Variants in ZIC4 observed in about 807,000 individuals in gnomAD.
The protein encoded by ZIC4 is zinc finger protein ZIC 4.
In ZIC4, 15 loss-of-function variants were observed where a neutral mutation model predicts 28.8. The observed-to-expected ratio is 0.52, with a 90% confidence interval of 0.35 to 0.80. The LOEUF is 0.80. Among genes scored for constraint, ZIC4 ranks in the 30% least tolerant of loss-of-function variants. ZIC4 has a pLI of 0.01. For synonymous variants in ZIC4, 220 were observed against 198.1 expected, an observed-to-expected ratio of 1.11 and a Z score of -0.93; for missense variants, 512 against 467.1, an observed-to-expected ratio of 1.10 and a Z score of -0.89.
At chr3:147,400,211 GC>G (rs1394461476) in intron 2 of ZIC4, among the ~76,000 whole-genome samples, 1 of 152,098 alleles carries the variant, frequency 6.6e-6, no homozygotes, top group African/African-American at 2.4e-5. Flanking sequence ...AAGTTTATGG[GC>G]CCTCTGGAAT....
intron 3 of ZIC4, among the ~76,000 whole-genome samples, chr3:147,394,193 C>T (rs2086989578): frequency 6.6e-6 from 1 of 151,408 alleles, no homozygotes; most frequent in Non-Finnish European, 1.5e-5. Flanking sequence ...AGGGAAATGC[C>T]CGAGCAGGCC....
chr3:147,394,436 G>A (rs1249359435), intron 3 of ZIC4, among the ~76,000 whole-genome samples: 10 of 150,972 alleles, frequency 6.6e-5, no homozygotes, highest in Admixed American at 4.6e-4. Context: ...TCAAACAGTG[G>A]GCCGGCAAAG....
rs750377504 is a variant in ZIC4, at chr3:147,387,732, C to T, written c.*1127G>A. The T allele has an allele frequency of 3.3e-5, 5 of 152,600 alleles. No individual in the cohort carries two copies. Among genetic ancestry groups the T allele is most frequent in the Non-Finnish European group, 7.3e-5 (5 of 68,070 alleles). 9.5% of individuals were successfully genotyped at this position (152,600 alleles called of 1,614,324 possible). ...CCACACACCCTGCCTTAGAAAGAAACAAGTTTCAGGGGCCGCAAGAGACTT... is the reference window on the plus strand; with the variant it reads ...CCACACACCCTGCCTTAGAAAGAAATAAGTTTCAGGGGCCGCAAGAGACTT... On this transcript the variant is annotated 3_prime_UTR_variant, in exon 5 of 5. Coordinates refer to ENST00000383075, the MANE Select transcript of ZIC4 (RefSeq NM_032153.6).
chr3:147,404,864 A>C (rs2087243132), intron 1 of ZIC4, among the ~76,000 whole-genome samples: 1 of 152,198 alleles, frequency 6.6e-6, no homozygotes, highest in Non-Finnish European at 1.5e-5. Context: ...CTGCAGCTAG[A>C]GACTTCAGTT....
chr3:147,392,166 G>A, intron 3 of ZIC4: 1 of 985,600 alleles, frequency 1.0e-6, no homozygotes, highest in South Asian at 4.7e-5. Flanking sequence ...GGTTGGCGCG[G>A]TAGGGTCCGC....
At chr3:147,393,011 T>A (rs1373683795) in intron 3 of ZIC4, 19 of 144,566 alleles carry the variant, frequency 1.3e-4, no homozygotes, top group African/African-American at 4.6e-4. Context: ...TCTTCCTTCT[T>A]CTCTTTCAAA....
intron 2 of ZIC4, among the ~76,000 whole-genome samples, chr3:147,400,534 G>A (rs1297080567): frequency 1.3e-5 from 2 of 152,144 alleles, no homozygotes; most frequent in African/African-American, 4.8e-5. Flanking sequence ...GGTCACTGAG[G>A]TTGCCTGATC....
At chr3:147,390,073 C>T (rs1042280093) in intron 4 of ZIC4, among the ~76,000 whole-genome samples, 1 of 152,164 alleles carries the variant, frequency 6.6e-6, no homozygotes, top group African/African-American at 2.4e-5. Flanking sequence ...TTTGAATTCA[C>T]TCCCTACTCC....
chr3:147,399,063 C>T (rs1325247440), intron 2 of ZIC4, among the ~76,000 whole-genome samples: 1 of 151,822 alleles, frequency 6.6e-6, no homozygotes, highest in African/African-American at 2.4e-5. Context: ...GCTTGGATAA[C>T]TCTACCAATA....
At position 147,388,515 on chromosome 3, in the gene ZIC4, A is replaced by G. The variant is rs909527381; in HGVS notation, c.*344T>C. 2 of 338,320 alleles carry G rather than the reference A, an allele frequency of 5.9e-6. No individual in the cohort carries two copies. Among genetic ancestry groups the G allele is most frequent in the Non-Finnish European group, 1.1e-5 (2 of 188,860 alleles). The allele number at this position is 338,320 out of a possible 1,614,324, so 21.0% of individuals were successfully genotyped here. On this transcript the variant is annotated 3_prime_UTR_variant, in exon 5 of 5. Transcript: ENST00000383075. The stretch of plus-strand genomic sequence containing the variant: ...CTTCACATTATTATCCATTTTTATT[A>G]TGATCGGGTACAAGTGCCCATTCGC...
At chr3:147,394,269 C>T (rs1455710406) in intron 3 of ZIC4, among the ~76,000 whole-genome samples, 1 of 149,524 alleles carries the variant, frequency 6.7e-6, no homozygotes. Context: ...GTTTCCCCCA[C>T]CCCCCACCGC....
At chr3:147,405,691 G>T (rs921033594) in intron 1 of ZIC4, 9 of 599,236 alleles carry the variant, frequency 1.5e-5, no homozygotes, top group South Asian at 5.8e-5. Context: ...CTGGCCGCGC[G>T]CAGAGAGCAG....
At chr3:147,388,942 G>C in intron 4 of ZIC4, 83 bp from the exon 5 acceptor site, 1 of 759,030 alleles carries the variant, frequency 1.3e-6, no homozygotes, top group South Asian at 1.4e-5. Context: ...GATTGAGATA[G>C]AAAGCAAAAT....
Position 147,386,949 on chromosome 3 carries a change from G to C in ZIC4, c.*1910C>G, listed in dbSNP as rs747249693. ...GAAGGAGCAGGAGATATTAACAATTGCTTGGCTGCATTCTTAAGTTCCAAG... is the reference window on the plus strand; with the variant it reads ...GAAGGAGCAGGAGATATTAACAATTCCTTGGCTGCATTCTTAAGTTCCAAG... On this transcript the variant is annotated 3_prime_UTR_variant, in exon 5 of 5. Coordinates refer to ENST00000383075, the MANE Select transcript of ZIC4 (RefSeq NM_032153.6). 1.3e-5 allele frequency: 2 copies of C among 152,224 alleles called. No homozygotes were observed. The highest frequency in any genetic ancestry group is 4.8e-5 in the African/African-American group (2 of 41,464). 9.4% of individuals were successfully genotyped at this position (152,224 alleles called of 1,614,324 possible). A position where few individuals can be genotyped will look rare whatever the true frequency, so the allele number is the denominator to read the frequency against.
intron 3 of ZIC4, chr3:147,394,030 AG>A (rs1191345459): frequency 2.2e-6 from 1 of 452,224 alleles, no homozygotes. Flanking sequence ...ATATTTGAAA[AG>A]GCAATTATTT....
At chr3:147,399,705 G>T (rs546812846) in intron 2 of ZIC4, among the ~76,000 whole-genome samples, 1 of 137,558 alleles carries the variant, frequency 7.3e-6, no homozygotes, top group Non-Finnish European at 1.5e-5. Flanking sequence ...TCCCTCTGTC[G>T]CCCAGGCTGC....
chr3:147,398,969 T>G (rs2087109949), intron 2 of ZIC4, among the ~76,000 whole-genome samples: 1 of 152,040 alleles, frequency 6.6e-6, no homozygotes. Context: ...CTCCCTTGGG[T>G]GCACTTTAGG....
intron 2 of ZIC4, among the ~76,000 whole-genome samples, chr3:147,399,307 C>T (rs559252526): frequency 7.0e-4 from 106 of 152,254 alleles, no homozygotes; most frequent in African/African-American, 2.5e-3. Context: ...ATGGCCAGGT[C>T]TCCAGTGAAA....
At chr3:147,402,628 A>T in intron 2 of ZIC4, 100 bp downstream of exon 2, 1 of 1,140,236 alleles carries the variant, frequency 8.8e-7, no homozygotes, top group Non-Finnish European at 1.2e-6. Flanking sequence ...AACCCAACAT[A>T]AACAAAAGAC....
Sources: allele counts gnomAD v4.1 joint callset (sites outside exome capture counted in the v4.1 genomes callset), GRCh38; gene constraint gnomAD v4.1.1; transcripts MANE v1.5; gene names NCBI Gene and HGNC (gene_info 2026-07-23, HGNC 2026-07-21).